NDUFAF2: variants seen among roughly 807,000 people sequenced by gnomAD.
NDUFAF2 encodes the protein NADH dehydrogenase [ubiquinone] 1 alpha subcomplex assembly factor 2.
A neutral mutation model predicts 22.8 loss-of-function variants in NDUFAF2; 13 were observed. The observed-to-expected ratio is 0.57, with a 90% CI of 0.37 to 0.91. The LOEUF is 0.91. Ranked by LOEUF, NDUFAF2 falls within the 40% of genes least tolerant of loss-of-function variation. The pLI, the probability that NDUFAF2 is intolerant of heterozygous loss-of-function variation, is 0.01. For missense variants in NDUFAF2, 162 were observed against 195.2 expected, an observed-to-expected ratio of 0.83 and a Z score of 1.01; for synonymous variants, 53 against 64.2, an observed-to-expected ratio of 0.83 and a Z score of 0.84.
At chr5:61,134,679 CTG>C (rs2111817880) in intron 3 of NDUFAF2, among the ~76,000 whole-genome samples, 1 of 152,182 alleles carries the variant, frequency 6.6e-6, no homozygotes, top group East Asian at 1.9e-4. Flanking sequence ...GAGTGAGACT[CTG>C]TCTCAAAAAA....
intron 3 of NDUFAF2, among the ~76,000 whole-genome samples, chr5:61,124,916 A>G (rs553335052): frequency 2.0e-5 from 3 of 152,100 alleles, no homozygotes; most frequent in Non-Finnish European, 2.9e-5. Flanking sequence ...AAACTTAACA[A>G]TCATGACAGA....
Position 61,100,116 on chromosome 5 carries a change from C to T in NDUFAF2, c.258+1084C>T, listed in dbSNP as rs546166467. Among the ~76,000 whole-genome samples the T allele has an allele frequency of 9.1e-5, 9 of 99,292 alleles. No individual in the cohort carries two copies. In the East Asian group the frequency reaches 9.6e-3, roughly 106 times the overall value. 65.1% of individuals were successfully genotyped at this position (99,292 alleles called of 152,430 possible). ...ACATTGATAAAATTTGGAATAAAAGCTGTTTTGGGGGGAAAAAATAAAAGG... is the reference window on the plus strand; with the variant it reads ...ACATTGATAAAATTTGGAATAAAAGTTGTTTTGGGGGGAAAAAATAAAAGG... On this transcript the variant is annotated intron_variant, in intron 3 of 3. Transcript: ENST00000296597.
intron 3 of NDUFAF2, among the ~76,000 whole-genome samples, chr5:61,122,142 T>A (rs979125540): frequency 1.3e-5 from 2 of 152,096 alleles, no homozygotes; most frequent in African/African-American, 4.8e-5. Context: ...GAAGACTGCT[T>A]TCTGATTTCA....
intron 1 of NDUFAF2, among the ~76,000 whole-genome samples, chr5:60,975,400 T>C (rs180716777): frequency 2.9e-4 from 44 of 152,058 alleles, no homozygotes; most frequent in African/African-American, 8.9e-4. Flanking sequence ...CAACTAGATA[T>C]AAAGGTAAGA....
At chr5:61,093,073 G>T (rs779806176) in intron 2 of NDUFAF2, among the ~76,000 whole-genome samples, 19 of 152,212 alleles carry the variant, frequency 1.2e-4, no homozygotes, top group Non-Finnish European at 2.5e-4. Context: ...AGGACTTGGA[G>T]TCTGAAGTTC....
At chr5:61,135,523 G>T (rs1451299238) in intron 3 of NDUFAF2, among the ~76,000 whole-genome samples, 1 of 152,056 alleles carries the variant, frequency 6.6e-6, no homozygotes, top group Non-Finnish European at 1.5e-5. Flanking sequence ...CATATTAATT[G>T]GTCATGTGTG....
chr5:61,067,314 C>G (rs2111723418), intron 1 of NDUFAF2, among the ~76,000 whole-genome samples: 1 of 148,644 alleles, frequency 6.7e-6, no homozygotes, highest in Non-Finnish European at 1.5e-5. Context: ...CCCCCCTCCC[C>G]CTACCCCACA....
In NDUFAF2 at chr5:61,073,181, T is replaced by C; in HGVS notation, c.184T>C (p.Tyr62His). Residue 62 changes from tyrosine (Y) to histidine (H), a missense_variant, in exon 2 of 4, where the codon TAT becomes CAT. Physicochemically the swap from Tyr to His is moderately conservative, Grantham distance 83. Transcript: ENST00000296597. ...AGCAGCAAATAAAAAAGAAGTAGAC[T>C]ATGAAGCAGGGGATATTCCAACAGA... ...VEAANKKEVD[Y>H]EAGDIPTEWE... 6.2e-7 allele frequency: 1 copy of C among 1,613,286 alleles called. No homozygotes were observed. Among genetic ancestry groups the C allele is most frequent in the Non-Finnish European group, 8.5e-7 (1 of 1,179,420 alleles).
chr5:61,075,009 G>A (rs1006478954), intron 2 of NDUFAF2, among the ~76,000 whole-genome samples: 3 of 151,982 alleles, frequency 2.0e-5, no homozygotes, highest in African/African-American at 7.3e-5. Context: ...GAACAGCATG[G>A]GGAAACCGCC....
At chr5:61,012,031 A>G (rs371116140) in intron 1 of NDUFAF2, among the ~76,000 whole-genome samples, 47 of 152,204 alleles carry the variant, frequency 3.1e-4, no homozygotes, top group African/African-American at 8.9e-4. Flanking sequence ...TCACAACTCA[A>G]TTAACGTCTT....
chr5:61,075,896 T>C (rs2111735791), intron 2 of NDUFAF2, among the ~76,000 whole-genome samples: 1 of 152,300 alleles, frequency 6.6e-6, no homozygotes, highest in Admixed American at 6.5e-5. Context: ...CAATGTGCCC[T>C]TTTTCTTCGT....
chr5:61,148,139 G>T (rs535210589), intron 3 of NDUFAF2, among the ~76,000 whole-genome samples: 2 of 152,214 alleles, frequency 1.3e-5, no homozygotes, highest in South Asian at 2.1e-4. Flanking sequence ...GCTTTCTCAG[G>T]CTCCCTAAAC....
chr5:61,036,472 C>T (rs1327487812), intron 1 of NDUFAF2, among the ~76,000 whole-genome samples: 2 of 152,164 alleles, frequency 1.3e-5, no homozygotes, highest in East Asian at 3.8e-4. Flanking sequence ...AGACTAATAA[C>T]TATTTTTTTA....
chr5:60,948,983 T>C (rs1750504529), intron 1 of NDUFAF2, among the ~76,000 whole-genome samples: 1 of 152,198 alleles, frequency 6.6e-6, no homozygotes, highest in Admixed American at 6.5e-5. Context: ...TTAGCTCTTC[T>C]AGTAGGTGTG....
chr5:61,006,121 A>C (rs1390201772), intron 1 of NDUFAF2, among the ~76,000 whole-genome samples: 1 of 152,184 alleles, frequency 6.6e-6, no homozygotes, highest in African/African-American at 2.4e-5. Flanking sequence ...TTTTTGTATA[A>C]GGTGTAAGGA....
At chr5:61,068,386 T>C (rs1043398735) in intron 1 of NDUFAF2, among the ~76,000 whole-genome samples, 3 of 152,132 alleles carry the variant, frequency 2.0e-5, no homozygotes, top group Admixed American at 1.3e-4. Context: ...TCAGAGTAAG[T>C]TCAGAAACTG....
chr5:60,967,905 G>A (rs1247010025), intron 1 of NDUFAF2, among the ~76,000 whole-genome samples: 4 of 150,956 alleles, frequency 2.6e-5, no homozygotes, highest in Non-Finnish European at 5.9e-5. Flanking sequence ...GGAAGAGTTT[G>A]AGAAGGATTG....
chr5:61,131,349 TGTTTTTTTGGGGG>T (rs1753109381), intron 3 of NDUFAF2, among the ~76,000 whole-genome samples: 1 of 152,038 alleles, frequency 6.6e-6, no homozygotes, highest in South Asian at 2.1e-4. Context: ...CTAATTGTGT[TGTTTTTTTGGGGG>T]GTTTTTTGGT....
rs1037206878 is a variant in NDUFAF2, at chr5:60,975,063, C to T, written c.127+29681C>T. Among the ~76,000 whole-genome samples the T allele has an allele frequency of 3.9e-5, 6 of 152,198 alleles. No homozygotes were observed. The East Asian group carries it at 1.2e-3, about 30-fold the overall frequency. On this transcript the variant is annotated intron_variant, in intron 1 of 3. Transcript: ENST00000296597. The stretch of plus-strand genomic sequence containing the variant: ...ACCTCAAGTGATCTATCTGCCTTGG[C>T]CTCCCAAAGTGCTGGGATTATAGGT...
Sources: gnomAD v4.1 joint callset for allele counts (sites outside exome capture counted in the v4.1 genomes callset) on GRCh38, gnomAD v4.1.1 for gene constraint, MANE v1.5 for transcripts, NCBI Gene and HGNC (gene_info 2026-07-23, HGNC 2026-07-21) for gene names.